The following UNC13B variants were observed in gnomAD, a reference collection of about 807,000 sequenced individuals.
The protein encoded by UNC13B is unc-13 homolog B.
A neutral mutation model predicts 211.0 loss-of-function variants in UNC13B; 144 were observed. The ratio of observed to expected loss-of-function variants is 0.68; its 90% CI spans 0.60 to 0.78. The LOEUF (loss-of-function observed/expected upper bound fraction) is 0.78, where lower values mean the gene tolerates loss of function less well. UNC13B is among the 30% of genes least tolerant of loss of function. The pLI is 0.00. For synonymous variants in UNC13B, 709 were observed against 725.8 expected (o/e 0.98, Z 0.37); for missense variants, 1,777 against 2,002.0 (o/e 0.89, Z 2.14).
intron 1 of UNC13B, among the ~76,000 whole-genome samples, chr9:35,191,036 C>T (rs1016353294): frequency 3.3e-5 from 5 of 151,998 alleles, no homozygotes; most frequent in African/African-American, 7.3e-5. Flanking sequence ...CTCAGCTCAC[C>T]GCAACTCCCA....
chr9:35,334,269 A>T (rs926276202), intron 11 of UNC13B, among the ~76,000 whole-genome samples: 4 of 152,126 alleles, frequency 2.6e-5, no homozygotes, highest in Non-Finnish European at 4.4e-5. Flanking sequence ...CCTAGCCCTG[A>T]TATTCATTTT....
intron 1 of UNC13B, among the ~76,000 whole-genome samples, chr9:35,195,778 A>T (rs1284595382): frequency 6.6e-6 from 1 of 152,224 alleles, no homozygotes; most frequent in African/African-American, 2.4e-5. Flanking sequence ...CACAGACAGA[A>T]TATTCAGCTT....
At position 35,389,978 on chromosome 9, in the gene UNC13B, G is replaced by A; in HGVS notation, c.11222+5G>A. On this transcript the variant is annotated splice_donor_5th_base_variant and intron_variant, in intron 25 of 39. Coordinates refer to ENST00000635942, the MANE Select transcript of UNC13B (RefSeq NM_001371189.2). The stretch of plus-strand genomic sequence containing the variant: ...CTACACACCTGTTCTGAACCAGTGA[G>A]TATCACCCTCTTTGGCCCTGTCTGT... The A allele has an allele frequency of 1.2e-6, 2 of 1,613,722 alleles. No individual in the cohort carries two copies. The highest frequency in any genetic ancestry group is 1.7e-6 in the Non-Finnish European group (2 of 1,179,684).
chr9:35,199,088 C>T (rs756541055), intron 1 of UNC13B, among the ~76,000 whole-genome samples: 47 of 152,058 alleles, frequency 3.1e-4, no homozygotes, highest in Middle Eastern at 3.2e-3. Flanking sequence ...TGAGAACATG[C>T]GGTGTTTGGT....
Position 35,302,280 on chromosome 9 carries a change from A to T in UNC13B, c.2876A>T (p.Glu959Val). Residue 959 changes from glutamate (E) to valine (V), a missense_variant, in exon 9 of 40, where the codon GAA (glutamate) becomes GTA (valine). By Grantham distance (121) the Glu-to-Val change is moderately radical. Coordinates refer to ENST00000635942, the MANE Select transcript of UNC13B (RefSeq NM_001371189.2). ...FKKNDQINCP[E>V]DAKLNSIKSS... The stretch of plus-strand genomic sequence containing the variant: ...AAGAATGACCAGATAAATTGTCCTG[A>T]AGATGCCAAACTTAATTCAATAAAA... 2.5e-6 allele frequency: 1 copy of T among 398,692 alleles called. No individual in the cohort carries two copies. Among genetic ancestry groups the T allele is most frequent in the Non-Finnish European group, 4.4e-6 (1 of 225,792 alleles). The allele number at this position is 398,692 out of a possible 1,614,324, so 24.7% of individuals were successfully genotyped here. A position where few individuals can be genotyped will look rare whatever the true frequency, so the allele number is the denominator to read the frequency against.
At chr9:35,202,080 T>C (rs1440902357) in intron 1 of UNC13B, among the ~76,000 whole-genome samples, 2 of 152,242 alleles carry the variant, frequency 1.3e-5, no homozygotes, top group African/African-American at 4.8e-5. Flanking sequence ...TATTTTTGCC[T>C]TCATTTTGTT....
At chr9:35,347,500 A>G (rs1403652744) in intron 11 of UNC13B, among the ~76,000 whole-genome samples, 2 of 152,086 alleles carry the variant, frequency 1.3e-5, no homozygotes, top group African/African-American at 2.4e-5. Flanking sequence ...CTGATATTCT[A>G]CTGAGCTCAG....
At chr9:35,375,076 T>A (rs1834307952) in intron 13 of UNC13B, 51 bp from the exon 14 acceptor site, 1 of 1,605,484 alleles carries the variant, frequency 6.2e-7, no homozygotes, top group Admixed American at 1.7e-5. Context: ...TCCCCCAGAC[T>A]TTGCCAGCCC....
intron 1 of UNC13B, among the ~76,000 whole-genome samples, chr9:35,168,606 C>T (rs1174876992): frequency 6.6e-6 from 1 of 152,104 alleles, no homozygotes; most frequent in Non-Finnish European, 1.5e-5. Flanking sequence ...TTGAAAAGAC[C>T]AAAGACTCTG....
At chr9:35,400,170 C>T (rs749305313) in intron 36 of UNC13B, 126 bp from the exon 37 acceptor site, 5 of 1,355,372 alleles carry the variant, frequency 3.7e-6, no homozygotes, top group East Asian at 2.3e-5. Flanking sequence ...AGCCTATGCT[C>T]TGGTTCTGTG....
Position 35,398,554 on chromosome 9 carries a change from C to A in UNC13B, c.11833C>A (p.Leu3945Met), listed in dbSNP as rs1413783727. 1.2e-6 allele frequency: 2 copies of A among 1,613,694 alleles called. No individual in the cohort carries two copies. Among genetic ancestry groups the A allele is most frequent in the Non-Finnish European group, 1.7e-6 (2 of 1,179,958 alleles). ...CCAGGCTTACCTCCTGTGAATACAG[C>A]TGGACCTTGAAGCTGCAGACAGTCT... ...KMFEAMGGKE[L>M]DLEAADSLKE... Residue 3945 changes from leucine to methionine, a missense_variant and splice_region_variant, in exon 32 of 40, where the codon CTG becomes ATG. Leu to Met is a conservative substitution (Grantham distance 15). Coordinates refer to ENST00000635942, the MANE Select transcript of UNC13B (RefSeq NM_001371189.2).
chr9:35,230,899 A>G (rs940557546), intron 2 of UNC13B, among the ~76,000 whole-genome samples: 1 of 152,238 alleles, frequency 6.6e-6, no homozygotes, highest in Non-Finnish European at 1.5e-5. Context: ...CTTAAAATTA[A>G]AAAAATAGTA....
At chr9:35,400,575 T>G in intron 37 of UNC13B, 132 bp downstream of exon 37, 3 of 1,108,806 alleles carry the variant, frequency 2.7e-6, no homozygotes, top group Non-Finnish European at 3.8e-6. Context: ...TTCAGATCTC[T>G]ATTGCTTGAT....
At chr9:35,345,158 G>C (rs898072491) in intron 11 of UNC13B, among the ~76,000 whole-genome samples, 1 of 152,156 alleles carries the variant, frequency 6.6e-6, no homozygotes, top group African/African-American at 2.4e-5. Context: ...ACAAGAGCAG[G>C]AGGTAGTAAG....
intron 1 of UNC13B, among the ~76,000 whole-genome samples, chr9:35,185,648 G>C (rs1256014441): frequency 6.6e-6 from 1 of 152,112 alleles, no homozygotes; most frequent in Non-Finnish European, 1.5e-5. Context: ...GGCTGGGCAT[G>C]CTGGCTCATG....
chr9:35,259,801 G>GA lies in UNC13B; in HGVS notation c.526+751_526+752insA. On this transcript the variant is annotated intron_variant, in intron 7 of 39. Transcript: ENST00000635942. ...TGTGTGTGTGTAGGGGGATGCGGGG[G>GA]GGGGGGATTTTGATACTTTTGTGTT... 1.2e-4 allele frequency among the ~76,000 whole-genome samples: 17 copies of GA among 145,964 alleles called. 1 individual carries two copies. The highest frequency in any genetic ancestry group is 4.5e-4 in the South Asian group (2 of 4,424).
chr9:35,348,090 A>C (rs1832481340), intron 11 of UNC13B, among the ~76,000 whole-genome samples: 2 of 152,172 alleles, frequency 1.3e-5, no homozygotes, highest in East Asian at 3.9e-4. Context: ...AAAAACAAAA[A>C]CAAAACAAAA....
intron 21 of UNC13B, 103 bp downstream of exon 21, chr9:35,382,610 T>C: frequency 7.3e-7 from 1 of 1,376,486 alleles, no homozygotes; most frequent in Non-Finnish European, 9.8e-7. Context: ...TTGCCCAGGC[T>C]GGAGTACAGT....
chr9:35,376,004 T>C (rs376811724), intron 14 of UNC13B, 24 bp from the exon 15 acceptor site: 179 of 1,612,260 alleles, frequency 1.1e-4, no homozygotes, highest in Non-Finnish European at 1.3e-4. Context: ...ACAAAAATCA[T>C]GGGATGGGGT....
Sources: gnomAD v4.1 joint callset for allele counts (sites outside exome capture counted in the v4.1 genomes callset) on GRCh38, gnomAD v4.1.1 for gene constraint, MANE v1.5 for transcripts, NCBI Gene and HGNC (gene_info 2026-07-23, HGNC 2026-07-21) for gene names.